Variants in MYO9B observed in about 807,000 individuals in gnomAD.
The protein encoded by MYO9B is unconventional myosin-IXb.
MYO9B carries 71 observed loss-of-function variants against 229.5 expected under a neutral mutation model. That is an observed-to-expected ratio of 0.31 (90% CI 0.26 to 0.38). The LOEUF (loss-of-function observed/expected upper bound fraction) is 0.38, where lower values mean the gene tolerates loss of function less well. MYO9B is among the 10% of genes least tolerant of loss of function. MYO9B has a pLI of 1.00. For synonymous variants in MYO9B, 1,185 were observed against 1,235.8 expected (o/e 0.96, Z 0.86); for missense variants, 2,255 against 2,920.5 (o/e 0.77, Z 5.25).
intron 18 of MYO9B, among the ~76,000 whole-genome samples, chr19:17,187,475 C>T (rs1051473589): frequency 1.3e-5 from 2 of 152,318 alleles, no homozygotes; most frequent in East Asian, 3.9e-4. Context: ...TCCTCTCCAC[C>T]GAATTCCCAG....
chr19:17,209,983 G>A (rs1218893822), intron 36 of MYO9B, among the ~76,000 whole-genome samples: 2 of 152,228 alleles, frequency 1.3e-5, no homozygotes, highest in Non-Finnish European at 2.9e-5. Context: ...AGGCCCTGCA[G>A]GTAGGGGCAG....
intron 2 of MYO9B, among the ~76,000 whole-genome samples, chr19:17,130,309 A>G (rs1459892839): frequency 2.0e-5 from 3 of 151,492 alleles, no homozygotes; most frequent in African/African-American, 7.3e-5. Context: ...CATCTCTACT[A>G]CCAGTACAGA....
chr19:17,137,013 T>G (rs933862552), intron 2 of MYO9B, among the ~76,000 whole-genome samples: 1 of 152,128 alleles, frequency 6.6e-6, no homozygotes, highest in African/African-American at 2.4e-5. Flanking sequence ...GCAGATCACC[T>G]GAGGTCAGAA....
chr19:17,090,868 T>A (rs2057631346), intron 1 of MYO9B, among the ~76,000 whole-genome samples: 1 of 152,132 alleles, frequency 6.6e-6, no homozygotes, highest in Non-Finnish European at 1.5e-5. Flanking sequence ...CCCTGGTTCC[T>A]CCATCCCCAA....
chr19:17,129,582 CG>C (rs1204808771), intron 2 of MYO9B, among the ~76,000 whole-genome samples: 1 of 152,178 alleles, frequency 6.6e-6, no homozygotes, highest in African/African-American at 2.4e-5. Context: ...GCCACGGACG[CG>C]TCAGCCTCCT....
At chr19:17,180,718 C>G in intron 14 of MYO9B, 1 of 525,992 alleles carries the variant, frequency 1.9e-6, no homozygotes. Flanking sequence ...AGCCCTGCCC[C>G]GCTCCAGGGC....
intron 1 of MYO9B, among the ~76,000 whole-genome samples, chr19:17,079,982 A>G (rs1031458605): frequency 2.6e-5 from 4 of 152,198 alleles, no homozygotes; most frequent in African/African-American, 9.7e-5. Flanking sequence ...TGGCTGGGAA[A>G]GAGCCTCAGA....
intron 2 of MYO9B, among the ~76,000 whole-genome samples, chr19:17,130,710 G>T (rs887033348): frequency 1.4e-4 from 22 of 151,958 alleles, no homozygotes; most frequent in African/African-American, 5.3e-4. Flanking sequence ...CTTGAACCTG[G>T]GGGGCGGAGG....
chr19:17,205,220 G>A (rs373999190), intron 30 of MYO9B, 43 bp from the exon 31 acceptor site: 1 of 1,568,308 alleles, frequency 6.4e-7, no homozygotes, highest in Non-Finnish European at 8.7e-7. Flanking sequence ...GGAATCTGGG[G>A]TCCCCAGCAC....
intron 14 of MYO9B, among the ~76,000 whole-genome samples, chr19:17,179,941 A>G (rs1189047148): frequency 1.3e-5 from 2 of 151,614 alleles, no homozygotes; most frequent in Non-Finnish European, 2.9e-5. Context: ...TTAAAACTAA[A>G]TAAATATCCC....
chr19:17,192,298 A>G (rs1314057262), intron 20 of MYO9B, among the ~76,000 whole-genome samples: 1 of 150,132 alleles, frequency 6.7e-6, no homozygotes, highest in Non-Finnish European at 1.5e-5. Flanking sequence ...AAAAAAAAAA[A>G]AAGGGGGGGC....
intron 2 of MYO9B, among the ~76,000 whole-genome samples, chr19:17,110,870 C>T (rs941885991): frequency 6.6e-6 from 1 of 152,236 alleles, no homozygotes; most frequent in Admixed American, 6.5e-5. Flanking sequence ...CCAGACCCCC[C>T]TCTTGGGGCA....
chr19:17,188,065 A>G lies in MYO9B; in HGVS notation c.2688+20A>G. The G allele has an allele frequency of 6.5e-7, 1 of 1,541,630 alleles. No homozygotes were observed. The highest frequency in any genetic ancestry group is 8.8e-7 in the Non-Finnish European group (1 of 1,134,862). ...TTCCAGGTAGGCCACAAGCACATAT[A>G]CCTGGACACACCTGTTCCGTGGCAA... On this transcript the variant is annotated intron_variant, in intron 19 of 39. Coordinates refer to ENST00000682292, the MANE Select transcript of MYO9B (RefSeq NM_004145.4).
intron 2 of MYO9B, among the ~76,000 whole-genome samples, chr19:17,133,280 G>A (rs1246977539): frequency 2.0e-5 from 3 of 152,122 alleles, no homozygotes; most frequent in Admixed American, 6.6e-5. Flanking sequence ...AACATGTTTT[G>A]TGATGAAAAC....
Position 17,183,886 on chromosome 19 carries a change from C to G in MYO9B, c.2373+18C>G. 1 of 1,556,536 alleles carries G rather than the reference C, an allele frequency of 6.4e-7. No homozygotes were observed. Among genetic ancestry groups the G allele is most frequent in the Non-Finnish European group, 8.6e-7 (1 of 1,156,548 alleles). On this transcript the variant is annotated intron_variant, in intron 16 of 39. Coordinates refer to ENST00000682292, the MANE Select transcript of MYO9B (RefSeq NM_004145.4). ...TTCCAAAGGTAAAAAAAAAAACACACCCCGCGCGACACGTTCCAAGATATC... is the reference window on the plus strand; with the variant it reads ...TTCCAAAGGTAAAAAAAAAAACACAGCCCGCGCGACACGTTCCAAGATATC...
At chr19:17,077,904 C>T (rs1406825955) in intron 1 of MYO9B, among the ~76,000 whole-genome samples, 1 of 152,192 alleles carries the variant, frequency 6.6e-6, no homozygotes, top group Non-Finnish European at 1.5e-5. Flanking sequence ...CACATTGCAC[C>T]TATTCCCAAA....
rs1278372827 is a variant in MYO9B at position 17,202,292 on chromosome 19, G to A, written c.4825G>A (p.Glu1609Lys). ...CCGTGGCTACACCAAGAACGACTTC[G>A]AGCCAGTGAAGGTGGGCAGCCCAGC... Reference protein sequence around the residue: ...FTRGYTKNDFEPVKQSKAQKK... With the variant: ...FTRGYTKNDFKPVKQSKAQKK... The change falls in exon 28 of 40, where the codon GAG (glutamate) becomes AAG (lysine). Residue 1609 changes from glutamate (E) to lysine (K), a missense_variant. Glu to Lys is a moderately conservative substitution (Grantham distance 56). Transcript: ENST00000682292. The A allele has an allele frequency of 1.3e-6, 2 of 1,563,506 alleles. No individual in the cohort carries two copies. Among genetic ancestry groups the A allele is most frequent in the Non-Finnish European group, 1.7e-6 (2 of 1,155,096 alleles).
chr19:17,154,232 C>T, intron 5 of MYO9B, 83 bp from the exon 6 acceptor site: 1 of 1,427,908 alleles, frequency 7.0e-7, no homozygotes. Flanking sequence ...GGCCCTGCCC[C>T]ACCAGCTCCA....
At chr19:17,177,387 C>A (rs1042414636) in intron 14 of MYO9B, 1 of 151,332 alleles carries the variant, frequency 6.6e-6, no homozygotes, top group Non-Finnish European at 1.5e-5. Context: ...TTGCTTGAGA[C>A]CAGGCTATTG....
Sources: allele counts gnomAD v4.1 joint callset (sites outside exome capture counted in the v4.1 genomes callset), GRCh38; gene constraint gnomAD v4.1.1; transcripts MANE v1.5; gene names NCBI Gene and HGNC (gene_info 2026-07-23, HGNC 2026-07-21).